CCPG1: variants seen among roughly 807,000 people sequenced by gnomAD.
CCPG1 encodes the protein cell cycle progression 1, also known as cell cycle progression protein 1.
A neutral mutation model predicts 81.3 loss-of-function variants in CCPG1; 46 were observed. That is an observed-to-expected ratio of 0.57 (90% confidence interval 0.45 to 0.72). The LOEUF (loss-of-function observed/expected upper bound fraction) is 0.72, where lower values mean the gene tolerates loss of function less well. Ranked by LOEUF, CCPG1 falls within the 30% of genes least tolerant of loss-of-function variation. The pLI is 0.00. For synonymous variants in CCPG1, 330 were observed against 305.2 expected (o/e 1.08, Z -0.85); for missense variants, 902 against 937.6 (o/e 0.96, Z 0.50).
chr15:55,385,472 T>C (rs1164147018), intron 3 of CCPG1, 128 bp downstream of exon 3: 2 of 553,304 alleles, frequency 3.6e-6, no homozygotes, highest in Non-Finnish European at 6.3e-6. Context: ...CAACCTACAC[T>C]GAAGTTCTAA....
At chr15:55,366,892 CA>C (rs1208551277) in intron 6 of CCPG1, among the ~76,000 whole-genome samples, 1 of 152,112 alleles carries the variant, frequency 6.6e-6, no homozygotes, top group Non-Finnish European at 1.5e-5. Flanking sequence ...ACCACGAAAT[CA>C]AAAATAAGGC....
rs2056064800 is a variant in CCPG1 at position 55,355,675 on chromosome 15, G to A, written c.*545C>T. On this transcript the variant is annotated 3_prime_UTR_variant, in exon 9 of 9. Coordinates refer to ENST00000442196, the MANE Select transcript of CCPG1 (RefSeq NM_001204450.2). ...GGTGTAGTTTTATTGTTTCTTCCACGATATTCAGATGTGCAAAAAATTTCA... is the reference window on the plus strand; with the variant it reads ...GGTGTAGTTTTATTGTTTCTTCCACAATATTCAGATGTGCAAAAAATTTCA... 3.2e-6 allele frequency: 1 copy of A among 312,594 alleles called. No homozygotes were observed. Among genetic ancestry groups the A allele is most frequent in the Admixed American group, 4.8e-5 (1 of 20,752 alleles). 19.4% of individuals were successfully genotyped at this position (312,594 alleles called of 1,614,324 possible). A position where few individuals can be genotyped will look rare whatever the true frequency, so the allele number is the denominator to read the frequency against.
chr15:55,386,118 G>A (rs180851776), intron 2 of CCPG1, among the ~76,000 whole-genome samples: 186 of 151,696 alleles, frequency 1.2e-3, no homozygotes, highest in African/African-American at 3.7e-3. Flanking sequence ...GGCTGGGCAC[G>A]GTGGCTCACG....
At chr15:55,367,482 G>T (rs1359281495) in intron 6 of CCPG1, among the ~76,000 whole-genome samples, 1 of 151,996 alleles carries the variant, frequency 6.6e-6, no homozygotes, top group Non-Finnish European at 1.5e-5. Context: ...TACAAATGCT[G>T]CCTATTTTAC....
chr15:55,388,753 G>C (rs2056853607), intron 2 of CCPG1, among the ~76,000 whole-genome samples: 1 of 148,558 alleles, frequency 6.7e-6, no homozygotes, highest in South Asian at 2.1e-4. Context: ...AACAGAGCAA[G>C]ATCCTGTCCC....
At chr15:55,400,203 CAAAAAAAAAA>C (rs61331208) in intron 1 of CCPG1, among the ~76,000 whole-genome samples, 3 of 32,954 alleles carry the variant, frequency 9.1e-5, no homozygotes, top group East Asian at 1.9e-3. Flanking sequence ...TACTCTACCT[CAAAAAAAAAA>C]AAAAAAAAAA....
intron 1 of CCPG1, among the ~76,000 whole-genome samples, chr15:55,402,647 G>A (rs1465319405): frequency 6.6e-6 from 1 of 152,046 alleles, no homozygotes; most frequent in African/African-American, 2.4e-5. Flanking sequence ...TTCCCCAGAA[G>A]GAAAAATCTA....
At chr15:55,359,083 C>A in intron 8 of CCPG1, 1 of 984,834 alleles carries the variant, frequency 1.0e-6, no homozygotes, top group Non-Finnish European at 1.2e-6. Context: ...ATGGAATGGA[C>A]AAGTGAAAAT....
intron 1 of CCPG1, chr15:55,399,938 A>G (rs533889872): frequency 6.6e-6 from 1 of 151,792 alleles, no homozygotes; most frequent in East Asian, 2.0e-4. Flanking sequence ...TACTAAAAAT[A>G]CAACAAATTA....
chr15:55,387,836 C>T (rs1393525529), intron 2 of CCPG1, among the ~76,000 whole-genome samples: 1 of 145,174 alleles, frequency 6.9e-6, no homozygotes, highest in South Asian at 2.2e-4. Flanking sequence ...GTGAGCACCA[C>T]GCCCGGCCTA....
At position 55,359,928 on chromosome 15, in the gene CCPG1, C is replaced by T; in HGVS notation, c.1845G>A (p.Gly615=). The part of the protein sequence containing the change: ...KNTNSKKCSP[G]HDCRENSHSF... ...AATGAGAATTTTCTCTACAATCATGCCCAGGACTGCATTTCTTTGAATTTG... is the reference window on the plus strand; with the variant it reads ...AATGAGAATTTTCTCTACAATCATGTCCAGGACTGCATTTCTTTGAATTTG... Residue 615 remains glycine (G), a synonymous_variant, in exon 8 of 9, where the codon GGG becomes GGA. Transcript: ENST00000442196. 6.2e-7 allele frequency: 1 copy of T among 1,613,560 alleles called. No individual in the cohort carries two copies. The highest frequency in any genetic ancestry group is 2.2e-5 in the East Asian group (1 of 44,858).
In CCPG1 at chr15:55,371,672, T is replaced by C. The variant is rs1169622608; in HGVS notation, c.706+121A>G. On this transcript the variant is annotated intron_variant, in intron 6 of 8. Coordinates refer to ENST00000442196, the MANE Select transcript of CCPG1 (RefSeq NM_001204450.2). ...TGAGAAAACTGAGGCTCAAACAGGC[T>C]TCAAGTTTTCAAGGCCACACATTTA... The C allele has an allele frequency of 3.0e-6, 3 of 1,006,772 alleles. No homozygotes were observed. In the African/African-American group the frequency reaches 4.9e-5, roughly 16 times the overall value. The allele number at this position is 1,006,772 out of a possible 1,614,324, so 62.4% of individuals were successfully genotyped here.
At chr15:55,377,203 TAC>T in intron 4 of CCPG1, 53 bp from the exon 5 acceptor site, 1 of 1,262,352 alleles carries the variant, frequency 7.9e-7, no homozygotes, top group South Asian at 1.3e-5. Context: ...TTAAGGGTCT[TAC>T]ATTTTCTTAG....
At chr15:55,357,089 A>G in intron 8 of CCPG1, 1 of 975,250 alleles carries the variant, frequency 1.0e-6, no homozygotes, top group Non-Finnish European at 1.2e-6. Context: ...TGATAAATAT[A>G]CAGTCTCGGC....
In CCPG1 at chr15:55,360,212, T is replaced by C. The variant is rs1243004677; in HGVS notation, c.1561A>G (p.Asn521Asp). The change falls in exon 8 of 9, where the codon AAT becomes GAT. Residue 521 changes from asparagine (N) to aspartate (D), a missense_variant. Asn to Asp is a conservative substitution (Grantham distance 23). This residue lies in a region of CCPG1 where 746 missense variants were observed against 728.6 expected (regional missense o/e 1.02). Coordinates refer to ENST00000442196, the MANE Select transcript of CCPG1 (RefSeq NM_001204450.2). ...ACTGAATCTGAGAATTTTTTCAGATTTTCCTTCACAGCTTCTTTAGCCTGC... is the reference window on the plus strand; with the variant it reads ...ACTGAATCTGAGAATTTTTTCAGATCTTCCTTCACAGCTTCTTTAGCCTGC... The part of the protein sequence containing the change: ...IKQAKEAVKE[N>D]LKKFSDSVKS... The C allele has an allele frequency of 6.2e-7, 1 of 1,613,654 alleles. No homozygotes were observed. The highest frequency in any genetic ancestry group is 8.5e-7 in the Non-Finnish European group (1 of 1,179,934).
intron 2 of CCPG1, among the ~76,000 whole-genome samples, chr15:55,387,225 G>A (rs2056818363): frequency 6.6e-6 from 1 of 152,204 alleles, no homozygotes; most frequent in South Asian, 2.1e-4. Context: ...TTGACTGAGT[G>A]CCAGACAGAG....
At chr15:55,383,736 C>G (rs1039818701) in intron 3 of CCPG1, among the ~76,000 whole-genome samples, 1 of 152,218 alleles carries the variant, frequency 6.6e-6, no homozygotes, top group Non-Finnish European at 1.5e-5. Flanking sequence ...GAACCAACCT[C>G]AGCTAGCTTC....
In CCPG1 at chr15:55,384,169, A is replaced by G. The variant is rs73406906; in HGVS notation, c.175+1431T>C. ...TTCAATATTGTTGTTGTCTCCAGGA[A>G]CAGGGAGGCCAAAGGAGAGGGAGAG... On this transcript the variant is annotated intron_variant, in intron 3 of 8. Transcript: ENST00000442196. Among the ~76,000 whole-genome samples, 495 of 152,262 alleles carry G rather than the reference A, an allele frequency of 3.3e-3. 1 individual carries two copies. Among genetic ancestry groups the G allele is most frequent in the African/African-American group, 0.011 (466 of 41,556 alleles).
At chr15:55,393,313 A>T (rs1253680335) in intron 1 of CCPG1, among the ~76,000 whole-genome samples, 2 of 151,948 alleles carry the variant, frequency 1.3e-5, no homozygotes, top group Non-Finnish European at 2.9e-5. Context: ...GGTGGCCCAC[A>T]CCTGTTGTCC....
Sources: allele counts gnomAD v4.1 joint callset (sites outside exome capture counted in the v4.1 genomes callset), GRCh38; gene constraint gnomAD v4.1.1; regional missense constraint gnomAD v4.1.1; transcripts MANE v1.5; gene names NCBI Gene and HGNC (gene_info 2026-07-23, HGNC 2026-07-21).